Variants in DPP6 observed in about 807,000 individuals in gnomAD.
DPP6 encodes dipeptidyl peptidase like 6.
A neutral mutation model predicts 122.6 loss-of-function variants in DPP6; 69 were observed. The observed-to-expected ratio is 0.56, with a 90% confidence interval of 0.46 to 0.69. The LOEUF (loss-of-function observed/expected upper bound fraction) is 0.69. Among genes scored for constraint, DPP6 ranks in the 30% least tolerant of loss-of-function variants. The probability of loss-of-function intolerance (pLI) is 0.00; values close to 1 mark genes in which losing one functional copy is unlikely to be tolerated. For missense variants in DPP6, 928 were observed against 1,116.9 expected, an observed-to-expected ratio of 0.83 and a Z score of 2.41; for synonymous variants, 418 against 433.1, an observed-to-expected ratio of 0.97 and a Z score of 0.43.
intron 1 of DPP6, among the ~76,000 whole-genome samples, chr7:154,424,722 T>C (rs1476300164): frequency 6.6e-6 from 1 of 152,230 alleles, no homozygotes; most frequent in African/African-American, 2.4e-5. Context: ...CCTTGTTCAT[T>C]ACAATGAAGC....
chr7:154,674,791 C>T (rs1052296860), intron 7 of DPP6, among the ~76,000 whole-genome samples: 5 of 152,126 alleles, frequency 3.3e-5, no homozygotes, highest in Non-Finnish European at 5.9e-5. Context: ...CAAGAGATAG[C>T]GTTCCCCAAA....
rs575531615 is a variant in DPP6 at position 154,655,756 on chromosome 7, G to A, written c.681-13604G>A. 3.3e-5 allele frequency among the ~76,000 whole-genome samples: 5 copies of A among 152,314 alleles called. No homozygotes were observed. The South Asian group carries it at 1.0e-3, about 32-fold the overall frequency. On this transcript the variant is annotated intron_variant, in intron 6 of 25. Coordinates refer to ENST00000377770, the MANE Select transcript of DPP6 (RefSeq NM_130797.4). ...CCAGGGACTTCTCCCGCAGGAAGCC[G>A]GCTCAGGCCAGAAGCCCAGGGGGTG... is the stretch of plus-strand genomic sequence containing the variant.
intron 5 of DPP6, among the ~76,000 whole-genome samples, chr7:154,612,009 G>T (rs1286608626): frequency 6.6e-6 from 1 of 152,144 alleles, no homozygotes; most frequent in Non-Finnish European, 1.5e-5. Context: ...CAATAGTGCT[G>T]GGAGGTACAG....
chr7:154,060,705 C>A (rs376835191), intron 1 of DPP6, among the ~76,000 whole-genome samples: 1 of 146,858 alleles, frequency 6.8e-6, no homozygotes, highest in Non-Finnish European at 1.5e-5. Flanking sequence ...GCTGTTAGTA[C>A]CCCCATCGCA....
intron 1 of DPP6, among the ~76,000 whole-genome samples, chr7:154,443,103 C>A (rs1231333947): frequency 6.6e-6 from 1 of 152,208 alleles, no homozygotes; most frequent in African/African-American, 2.4e-5. Context: ...GCCACTGCCT[C>A]CTTGCTGTCT....
In DPP6 at chr7:154,866,722, C is replaced by T. The variant is rs1803905827; in HGVS notation, c.1715-1273C>T. 2.0e-5 allele frequency among the ~76,000 whole-genome samples: 3 copies of T among 152,308 alleles called. No homozygotes were observed. The South Asian group carries it at 6.2e-4, about 32-fold the overall frequency. ...TGAAAACTAGTGTCACTATTTCTCC[C>T]CTTATTTTTTATCAAAGCTCAATAT... On this transcript the variant is annotated intron_variant, in intron 17 of 25. Transcript: ENST00000377770.
chr7:154,753,119 C>T (rs759781636), intron 8 of DPP6, among the ~76,000 whole-genome samples: 1 of 152,164 alleles, frequency 6.6e-6, no homozygotes, highest in Non-Finnish European at 1.5e-5. Flanking sequence ...GAGACCTTCA[C>T]GCTTGCCTCC....
chr7:154,284,941 G>C lies in DPP6; in HGVS notation c.244-161273G>C, dbSNP rs188020558. ...AAATACTGTATGAATCCATTTATGT[G>C]AAACATCTAGGTTAGCTAACCTCAT... On this transcript the variant is annotated intron_variant, in intron 1 of 25. Coordinates refer to ENST00000377770, the MANE Select transcript of DPP6 (RefSeq NM_130797.4). Among the ~76,000 whole-genome samples the C allele has an allele frequency of 5.3e-5, 8 of 152,262 alleles. No individual in the cohort carries two copies. In the East Asian group the frequency reaches 1.5e-3, roughly 29 times the overall value.
chr7:154,229,055 CTG>C (rs1359453556), intron 1 of DPP6, among the ~76,000 whole-genome samples: 1 of 152,094 alleles, frequency 6.6e-6, no homozygotes, highest in East Asian at 1.9e-4. Flanking sequence ...GAGAAGCACT[CTG>C]TGGTGAAGGT....
intron 10 of DPP6, among the ~76,000 whole-genome samples, chr7:154,781,103 A>G (rs1796999156): frequency 6.6e-6 from 1 of 151,926 alleles, no homozygotes; most frequent in African/African-American, 2.4e-5. Context: ...TAGAGGGATG[A>G]TGGATGAATG....
chr7:153,900,960 G>A (rs1799618836), intron 1 of DPP6, among the ~76,000 whole-genome samples: 1 of 152,104 alleles, frequency 6.6e-6, no homozygotes, highest in South Asian at 2.1e-4. Flanking sequence ...TTTCATTTTA[G>A]AGTTTTGTTA....
In DPP6 at chr7:154,486,505, C is replaced by G. The variant is rs914122414; in HGVS notation, c.457+11468C>G. On this transcript the variant is annotated intron_variant, in intron 3 of 25. Coordinates refer to ENST00000377770, the MANE Select transcript of DPP6 (RefSeq NM_130797.4). This position sits in a 1 kb window ranked among gnomAD's most constrained non-coding sequence, Gnocchi z 4.5. ...AGCTTTGTGACTTTATTGCTCTTCT[C>G]TTTTTCTGAAAATACCGTTGCTCAT... is the stretch of plus-strand genomic sequence containing the variant. Among the ~76,000 whole-genome samples, 36 of 152,176 alleles carry G rather than the reference C, an allele frequency of 2.4e-4. No homozygotes were observed. The highest frequency in any genetic ancestry group is 8.4e-4 in the African/African-American group (35 of 41,446).
At chr7:153,786,535 C>T in the DPP6 span, among the ~76,000 whole-genome samples, 22 of 127,824 alleles carry the variant, frequency 1.7e-4, no homozygotes, top group Admixed American at 3.1e-4. Context: ...GTCAGGAGAT[C>T]GAGACCATCC....
At chr7:154,587,850 A>C (rs1225642778) in intron 5 of DPP6, 1 of 1,612,708 alleles carries the variant, frequency 6.2e-7, no homozygotes, top group Non-Finnish European at 8.5e-7. Flanking sequence ...CTTGCCATGT[A>C]CAAGGGGGAC....
upstream of DPP6, among the ~76,000 whole-genome samples, chr7:153,884,097 G>C (rs976784393): frequency 6.6e-6 from 1 of 152,044 alleles, no homozygotes; most frequent in African/African-American, 2.4e-5. Context: ...TGCCATGTTG[G>C]TGTACTGCAC....
At chr7:154,597,123 G>A (rs1242041108) in intron 5 of DPP6, among the ~76,000 whole-genome samples, 1 of 151,974 alleles carries the variant, frequency 6.6e-6, no homozygotes, top group Non-Finnish European at 1.5e-5. Flanking sequence ...GAAAGCTGGT[G>A]TGATTTGAGT....
intron 1 of DPP6, among the ~76,000 whole-genome samples, chr7:154,314,655 A>G (rs944578814): frequency 3.9e-5 from 6 of 152,348 alleles, no homozygotes; most frequent in Admixed American, 3.3e-4. Context: ...CAGCAGTCTA[A>G]TCTTGCACAG....
intron 3 of DPP6, among the ~76,000 whole-genome samples, chr7:154,493,184 AG>A (rs200835505): frequency 0.013 from 2,048 of 152,318 alleles, 49 homozygotes; most frequent in African/African-American, 0.047. Flanking sequence ...AGCTAGAGCC[AG>A]ATCTCCTTGA....
chr7:154,373,714 A>G (rs548951553), intron 1 of DPP6, among the ~76,000 whole-genome samples: 1 of 151,746 alleles, frequency 6.6e-6, no homozygotes, highest in African/African-American at 2.4e-5. Flanking sequence ...CTGTGCAGGC[A>G]TTTTCCACCA....
Sources: gnomAD v4.1 joint callset for allele counts (sites outside exome capture counted in the v4.1 genomes callset) on GRCh38, gnomAD v4.1.1 for gene constraint, Gnocchi (gnomAD v3.1) non-coding constraint, MANE v1.5 for transcripts, NCBI Gene and HGNC (gene_info 2026-07-23, HGNC 2026-07-21) for gene names.